Variants in PCDH15 observed in about 807,000 individuals in gnomAD.
PCDH15 encodes protocadherin related 15.
In PCDH15, 129 loss-of-function variants were observed where a neutral mutation model predicts 178.5. The ratio of observed to expected loss-of-function variants is 0.72; its 90% confidence interval spans 0.63 to 0.84. The LOEUF (loss-of-function observed/expected upper bound fraction) is 0.84, where lower values mean the gene tolerates loss of function less well. Ranked by LOEUF, PCDH15 falls within the 40% of genes least tolerant of loss-of-function variation. PCDH15 has a pLI of 0.00. For missense variants in PCDH15, 2,230 were observed against 2,099.9 expected (o/e 1.06, Z -1.21); for synonymous variants, 800 against 732.0 (o/e 1.09, Z -1.50).
At chr10:53,809,043 C>G in intron 37 of PCDH15, 1 of 1,608,636 alleles carries the variant, frequency 6.2e-7, no homozygotes, top group South Asian at 1.1e-5. Context: ...CCTTGACCTC[C>G]TCAACCATGG....
chr10:53,920,703 G>A (rs2384335), intron 25 of PCDH15, among the ~76,000 whole-genome samples: 2,958 of 152,210 alleles, frequency 0.019, 88 homozygotes, highest in African/African-American at 0.066. Flanking sequence ...AACCTGTGGA[G>A]ATACTATGTG....
chr10:53,840,475 C>T lies in PCDH15; in HGVS notation c.3828G>A (p.Gln1276=). ...DLTEILDRYV[Q]EQIPGAKVVV... Reference sequence around the variant, plus strand: ...CGACCTTGGCACCAGGAATTTGTTCCTGAACATAGCGATCCAAGATCCTAT... The same window carrying T: ...CGACCTTGGCACCAGGAATTTGTTCTTGAACATAGCGATCCAAGATCCTAT... Residue 1276 remains glutamine, a synonymous_variant, in exon 29 of 38, where the codon CAG becomes CAA. Transcript: ENST00000644397. The T allele has an allele frequency of 6.2e-7, 1 of 1,613,996 alleles. No homozygotes were observed. Among genetic ancestry groups the T allele is most frequent in the Non-Finnish European group, 8.5e-7 (1 of 1,179,916 alleles).
At chr10:55,434,932 C>T (rs4556450) in intron 2 of PCDH15, among the ~76,000 whole-genome samples, 117,026 of 152,116 alleles carry the variant, frequency 0.77, 46,307 homozygotes, top group East Asian at 0.99. Context: ...CTCAAAACTT[C>T]TAATAGTCAA....
intron 18 of PCDH15, among the ~76,000 whole-genome samples, chr10:54,032,493 T>C (rs1375813374): frequency 6.6e-6 from 1 of 152,034 alleles, no homozygotes; most frequent in African/African-American, 2.4e-5. Flanking sequence ...TGAAGCTATT[T>C]CCATTTTTCA....
chr10:55,576,125 C>T (rs911525296), intron 2 of PCDH15, among the ~76,000 whole-genome samples: 4 of 152,032 alleles, frequency 2.6e-5, no homozygotes, highest in African/African-American at 7.2e-5. Context: ...TTGACTCCCC[C>T]GAAATTTAAC....
At chr10:54,757,345 C>T (rs1947289999) in intron 1 of PCDH15, among the ~76,000 whole-genome samples, 2 of 31,060 alleles carry the variant, frequency 6.4e-5, no homozygotes, top group African/African-American at 2.1e-4. Flanking sequence ...CGCAGTGGCG[C>T]GATCTCGACT....
At chr10:55,276,405 A>G (rs1009623150) in intron 1 of PCDH15, among the ~76,000 whole-genome samples, 1 of 151,132 alleles carries the variant, frequency 6.6e-6, no homozygotes, top group Non-Finnish European at 1.5e-5. Flanking sequence ...AGTATTTCTA[A>G]TTTGCTAATT....
At chr10:54,170,908 A>G (rs1259287224) in intron 13 of PCDH15, among the ~76,000 whole-genome samples, 1 of 152,048 alleles carries the variant, frequency 6.6e-6, no homozygotes, top group Non-Finnish European at 1.5e-5. Context: ...ACTACTCCTC[A>G]GGGATTATTC....
At chr10:54,672,223 A>G (rs778492471) in intron 1 of PCDH15, among the ~76,000 whole-genome samples, 8 of 151,352 alleles carry the variant, frequency 5.3e-5, no homozygotes, top group Non-Finnish European at 1.2e-4. Flanking sequence ...ATATATTATA[A>G]TATAATAATA....
intron 2 of PCDH15, chr10:55,597,212 C>G (rs1842953336): frequency 6.6e-6 from 1 of 152,176 alleles, no homozygotes; most frequent in Non-Finnish European, 1.5e-5. Flanking sequence ...TTCATTCATG[C>G]TTGAAGGGCA....
intron 2 of PCDH15, among the ~76,000 whole-genome samples, chr10:54,904,943 T>C (rs957934210): frequency 1.4e-5 from 2 of 140,040 alleles, no homozygotes; most frequent in Admixed American, 7.8e-5. Context: ...ATTTTTAAAT[T>C]AGCTTTTGTT....
chr10:55,017,177 T>C (rs1371631937), intron 2 of PCDH15, among the ~76,000 whole-genome samples: 2 of 152,150 alleles, frequency 1.3e-5, no homozygotes, highest in Non-Finnish European at 2.9e-5. Context: ...CAAATGTATT[T>C]GTGTAGTTCC....
intron 15 of PCDH15, among the ~76,000 whole-genome samples, chr10:54,129,920 A>C (rs555422845): frequency 2.8e-4 from 43 of 152,296 alleles, no homozygotes; most frequent in African/African-American, 9.6e-4. Flanking sequence ...GAGATGATAC[A>C]TGGAAATTTT....
intron 13 of PCDH15, among the ~76,000 whole-genome samples, chr10:54,169,084 C>T (rs1213664460): frequency 2.0e-5 from 3 of 152,026 alleles, no homozygotes; most frequent in East Asian, 1.9e-4. Context: ...CGGGATTCCT[C>T]CTAAGCCGCG....
chr10:55,180,339 G>C (rs1400280191), intron 1 of PCDH15, among the ~76,000 whole-genome samples: 1 of 152,116 alleles, frequency 6.6e-6, no homozygotes, highest in East Asian at 1.9e-4. Flanking sequence ...AATACCTAAA[G>C]ACCCTGGATT....
At chr10:55,424,804 C>G (rs546364749) in intron 2 of PCDH15, among the ~76,000 whole-genome samples, 1 of 152,080 alleles carries the variant, frequency 6.6e-6, no homozygotes, top group East Asian at 1.9e-4. Flanking sequence ...TGCCAAACAT[C>G]AATTTCTAGG....
intron 3 of PCDH15, among the ~76,000 whole-genome samples, chr10:54,853,314 T>C (rs1309287257): frequency 0.03 from 3,819 of 129,086 alleles, 187 homozygotes; most frequent in African/African-American, 0.1. Flanking sequence ...TATATATATA[T>C]ATATACATAC....
intron 2 of PCDH15, among the ~76,000 whole-genome samples, chr10:54,962,526 G>A (rs1276244945): frequency 6.6e-6 from 1 of 152,210 alleles, no homozygotes; most frequent in Non-Finnish European, 1.5e-5. Flanking sequence ...ACTTTTGGGG[G>A]CTCTGTGGTT....
chr10:55,321,347 T>G (rs115440883), upstream of PCDH15, among the ~76,000 whole-genome samples: 276 of 152,112 alleles, frequency 1.8e-3, no homozygotes, highest in African/African-American at 6.2e-3. Context: ...TGAGATTATA[T>G]AAAGAGACCA....
Sources: gnomAD v4.1 joint callset for allele counts (sites outside exome capture counted in the v4.1 genomes callset) on GRCh38, gnomAD v4.1.1 for gene constraint, MANE v1.5 for transcripts, NCBI Gene and HGNC (gene_info 2026-07-23, HGNC 2026-07-21) for gene names.